Variants in IDI1 observed in about 807,000 individuals in gnomAD.
IDI1 encodes the protein isopentenyl-diphosphate delta isomerase 1.
A neutral mutation model predicts 32.9 loss-of-function variants in IDI1; 23 were observed. The ratio of observed to expected loss-of-function variants is 0.70; its 90% CI spans 0.50 to 0.99. IDI1 has a LOEUF of 0.99. Among genes scored for constraint, IDI1 ranks in the 50% least tolerant of loss-of-function variants. IDI1 has a pLI of 0.00. For synonymous variants in IDI1, 133 were observed against 128.2 expected (o/e 1.04, Z -0.25); for missense variants, 326 against 351.9 (o/e 0.93, Z 0.59).
intron 2 of IDI1, 75 bp from the exon 3 acceptor site, chr10:1,043,468 G>T: frequency 1.1e-6 from 1 of 881,904 alleles, no homozygotes; most frequent in Non-Finnish European, 1.9e-6. Flanking sequence ...CTGCAGTTCA[G>T]AATAACATTA....
In IDI1 at chr10:1,048,976, C is replaced by T. The variant is rs1369442479; in HGVS notation, c.28G>A (p.Ala10Thr). MWRGLALAR[A>T]IGCAARGRGQ... ...CGCCCCCGGGCCGCGCAGCCAATCG[C>T]TCGCGCCAGCGCCAGTCCACGCCAC... Residue 10 changes from alanine (A) to threonine (T), a missense_variant, in exon 1 of 5, where the codon GCG becomes ACG. Physicochemically the swap from Ala to Thr is moderately conservative, Grantham distance 58. Around this residue, in one of 2 missense-constraint regions of IDI1, gnomAD observed 121 missense variants for 78.4 expected, o/e 1.54. Transcript: ENST00000381344. 2 of 1,537,090 alleles carry T rather than the reference C, an allele frequency of 1.3e-6. No homozygotes were observed. Among genetic ancestry groups the T allele is most frequent in the Admixed American group, 2.0e-5 (1 of 50,932 alleles).
intron 4 of IDI1, 117 bp downstream of exon 4, chr10:1,042,515 C>CAT (rs2131573238): frequency 1.0e-6 from 1 of 955,854 alleles, no homozygotes; most frequent in East Asian, 2.6e-5. Flanking sequence ...GGGGCTAACT[C>CAT]ATAACTCCGG....
the IDI1 span, chr10:1,056,692 C>T: frequency 6.6e-6 from 1 of 152,406 alleles, no homozygotes; most frequent in Non-Finnish European, 1.5e-5. Context: ...CTCGGGGCTG[C>T]GGGGCGGAAG....
At chr10:1,039,184 C>T (rs979029638), downstream of IDI1, 14 of 144,842 alleles carry the variant, frequency 9.7e-5, no homozygotes, top group East Asian at 2.0e-4. Flanking sequence ...ACTGCGGGTA[C>T]GACCTGGACG....
In IDI1 at chr10:1,044,015, G is replaced by GT; in HGVS notation, c.296dup (p.Asn99LysfsTer5). On this transcript the variant is annotated frameshift_variant, in exon 2 of 5. Coordinates refer to ENST00000381344, the MANE Select transcript of IDI1 (RefSeq NM_004508.4). LOFTEE classifies it high-confidence loss of function. ...AAGCAGCACCTTTCTCAATGTTCTC[G>GT]TTCAGGTGACAATTCTTCTTGGTCT... 2 of 1,611,772 alleles carry GT rather than the reference G, an allele frequency of 1.2e-6. No individual in the cohort carries two copies. The highest frequency in any genetic ancestry group is 1.7e-6 in the Non-Finnish European group (2 of 1,179,364).
Position 1,049,030 on chromosome 10 carries a change from G to C in IDI1, c.-27C>G, listed in dbSNP as rs1832901727. The C allele has an allele frequency of 6.8e-7, 1 of 1,467,534 alleles. No homozygotes were observed. The highest frequency in any genetic ancestry group is 1.5e-5 in the African/African-American group (1 of 67,912). The allele number at this position is 1,467,534 out of a possible 1,614,324, so 90.9% of individuals were successfully genotyped here. On this transcript the variant is annotated 5_prime_UTR_variant, in exon 1 of 5. Coordinates refer to ENST00000381344, the MANE Select transcript of IDI1 (RefSeq NM_004508.4). ...GCCCGGCCAATTGGCGCCCGTACGC[G>C]CTTGACGACACAATCTCGCCAAGCT...
chr10:1,053,481 T>C (rs1164335948), upstream of IDI1, among the ~76,000 whole-genome samples: 1 of 152,260 alleles, frequency 6.6e-6, no homozygotes, highest in African/African-American at 2.4e-5. Context: ...TGGTTTAATC[T>C]ATACAGACCA....
At chr10:1,043,714 G>A (rs1490780600) in intron 2 of IDI1, 3 of 645,816 alleles carry the variant, frequency 4.6e-6, no homozygotes, top group South Asian at 3.0e-5. Context: ...CCACTCTCTA[G>A]AAATATTAGA....
At chr10:1,045,425 T>C (rs1469625428) in intron 1 of IDI1, among the ~76,000 whole-genome samples, 5 of 152,236 alleles carry the variant, frequency 3.3e-5, no homozygotes, top group Non-Finnish European at 7.3e-5. Flanking sequence ...CCATGTGCTC[T>C]ACTTTCTATG....
At chr10:1,056,592 C>T in the IDI1 span, 1 of 152,256 alleles carries the variant, frequency 6.6e-6, no homozygotes, top group Non-Finnish European at 1.5e-5. Context: ...CCGAGGCCAC[C>T]TCCCGCGAAC....
intron 2 of IDI1, chr10:1,043,763 C>T: frequency 1.5e-6 from 1 of 671,338 alleles, no homozygotes; most frequent in Non-Finnish European, 2.7e-6. Flanking sequence ...AGTCCCTCTT[C>T]TATGAATCCA....
chr10:1,048,434 A>T, intron 1 of IDI1: 8 of 1,288,880 alleles, frequency 6.2e-6, no homozygotes, highest in Non-Finnish European at 8.1e-6. Flanking sequence ...ACACGCGTGG[A>T]CTCGGCACGG....
At chr10:1,045,530 A>C (rs1161665065) in intron 1 of IDI1, among the ~76,000 whole-genome samples, 3 of 152,222 alleles carry the variant, frequency 2.0e-5, no homozygotes, top group African/African-American at 4.8e-5. Context: ...GCAATGGTGC[A>C]ATCTCAGCTC....
At chr10:1,049,585 C>G (rs1832936108), upstream of IDI1, 1 of 153,308 alleles carries the variant, frequency 6.5e-6, no homozygotes, top group South Asian at 1.8e-4. Flanking sequence ...CAAGGCGGAG[C>G]AAAGTCGCCG....
In IDI1 at chr10:1,041,057, C is replaced by A; in HGVS notation, c.*130G>T. Reference sequence around the variant, plus strand: ...TTTTAAAGTATCAGTGTATATAATACATTAATGATAGTACCAAATGATAGA... The same window carrying A: ...TTTTAAAGTATCAGTGTATATAATAAATTAATGATAGTACCAAATGATAGA... On this transcript the variant is annotated 3_prime_UTR_variant, in exon 5 of 5. Transcript: ENST00000381344. The A allele has an allele frequency of 4.8e-6, 3 of 628,514 alleles. No individual in the cohort carries two copies. Among genetic ancestry groups the A allele is most frequent in the Non-Finnish European group, 8.2e-6 (3 of 365,358 alleles). The allele number at this position is 628,514 out of a possible 1,614,324, so 38.9% of individuals were successfully genotyped here. A position where few individuals can be genotyped will look rare whatever the true frequency, so the allele number is the denominator to read the frequency against.
At position 1,049,024 on chromosome 10, in the gene IDI1, G is replaced by A. The variant is rs760600476; in HGVS notation, c.-21C>T. 7.5e-6 allele frequency: 11 copies of A among 1,472,350 alleles called. No homozygotes were observed. The highest frequency in any genetic ancestry group is 5.4e-5 in the South Asian group (4 of 74,148). 91.2% of individuals were successfully genotyped at this position (1,472,350 alleles called of 1,614,324 possible). A position where few individuals can be genotyped will look rare whatever the true frequency, so the allele number is the denominator to read the frequency against. ...CACATCGCCCGGCCAATTGGCGCCC[G>A]TACGCGCTTGACGACACAATCTCGC... On this transcript the variant is annotated 5_prime_UTR_variant, in exon 1 of 5. The change creates a new upstream start codon in the 5' untranslated region. Transcript: ENST00000381344.
upstream of IDI1, chr10:1,049,320 G>C (rs1832916916): frequency 2.5e-6 from 1 of 394,668 alleles, no homozygotes; most frequent in East Asian, 4.9e-5. Flanking sequence ...GTTCCATGGA[G>C]GAAGCCCTCC....
Position 1,048,958 on chromosome 10 carries a change from G to T in IDI1, c.46C>A (p.Arg16=). The T allele has an allele frequency of 1.9e-6, 3 of 1,559,336 alleles. No individual in the cohort carries two copies. Among genetic ancestry groups the T allele is most frequent in the African/African-American group, 1.4e-5 (1 of 72,090 alleles). The change falls in exon 1 of 5, where the codon CGG becomes AGG. Residue 16 remains arginine (R), a synonymous_variant. Transcript: ENST00000381344. Reference sequence around the variant, plus strand: ...CGCACCGCCCACTGGCCCCGCCCCCGGGCCGCGCAGCCAATCGCTCGCGCC... The same window carrying T: ...CGCACCGCCCACTGGCCCCGCCCCCTGGCCGCGCAGCCAATCGCTCGCGCC... The part of the protein sequence containing the change: ...ALARAIGCAA[R]GRGQWAVRAA...
At chr10:1,041,809 CTT>C (rs71297913) in intron 4 of IDI1, among the ~76,000 whole-genome samples, 27 of 134,632 alleles carry the variant, frequency 2.0e-4, no homozygotes, top group Non-Finnish European at 1.8e-4. Context: ...TCTTTTTCTT[CTT>C]TTTTTTTTTT....
Sources: allele counts gnomAD v4.1 joint callset (sites outside exome capture counted in the v4.1 genomes callset), GRCh38; gene constraint gnomAD v4.1.1; regional missense constraint gnomAD v4.1.1; transcripts MANE v1.5; gene names NCBI Gene and HGNC (gene_info 2026-07-23, HGNC 2026-07-21).